DOCK1: variants seen among roughly 807,000 people sequenced by gnomAD.
The protein encoded by DOCK1 is dedicator of cytokinesis protein 1.
In DOCK1, 138 loss-of-function variants were observed where a neutral mutation model predicts 262.7. That is an observed-to-expected ratio of 0.53 (90% CI 0.46 to 0.61). The LOEUF is 0.61. Ranked by LOEUF, DOCK1 falls within the 20% of genes least tolerant of loss-of-function variation. The pLI, the probability that DOCK1 is intolerant of heterozygous loss-of-function variation, is 0.00. For synonymous variants in DOCK1, 866 were observed against 867.4 expected (o/e 1.00, Z 0.03); for missense variants, 1,908 against 2,370.7 (o/e 0.80, Z 4.05).
At chr10:127,315,802 G>T (rs11017261) in intron 29 of DOCK1, among the ~76,000 whole-genome samples, 27,116 of 151,916 alleles carry the variant, frequency 0.18, 2,577 homozygotes, top group African/African-American at 0.26. Flanking sequence ...GGGTTGAAGT[G>T]ATTCTCCTGC....
At chr10:127,064,939 G>T (rs1402331464) in intron 23 of DOCK1, among the ~76,000 whole-genome samples, 2 of 152,134 alleles carry the variant, frequency 1.3e-5, no homozygotes, top group Non-Finnish European at 2.9e-5. Flanking sequence ...CCACTTTCTG[G>T]GTCTAAGAAT....
intron 18 of DOCK1, 129 bp downstream of exon 18, chr10:127,032,449 C>T (rs1432895093): frequency 1.5e-5 from 15 of 974,614 alleles, no homozygotes; most frequent in Middle Eastern, 3.4e-4. Flanking sequence ...TTCATTGCAT[C>T]GGGCTGTGAT....
At chr10:127,262,279 T>C (rs530104342) in intron 29 of DOCK1, among the ~76,000 whole-genome samples, 1 of 152,126 alleles carries the variant, frequency 6.6e-6, no homozygotes, top group Admixed American at 6.5e-5. Context: ...TGTGGCTGTG[T>C]GTGTGTACCT....
At chr10:127,011,303 A>G (rs2041422578) in intron 11 of DOCK1, among the ~76,000 whole-genome samples, 1 of 152,180 alleles carries the variant, frequency 6.6e-6, no homozygotes. Context: ...AAACTGATTT[A>G]TTATCTCACA....
At chr10:127,078,997 G>A (rs961551080) in intron 23 of DOCK1, among the ~76,000 whole-genome samples, 2 of 152,008 alleles carry the variant, frequency 1.3e-5, no homozygotes, top group Non-Finnish European at 2.9e-5. Context: ...CTTGCTTTTT[G>A]TTTGTTTAAT....
intron 1 of DOCK1, among the ~76,000 whole-genome samples, chr10:126,967,280 A>G (rs1430028987): frequency 6.6e-6 from 1 of 152,186 alleles, no homozygotes; most frequent in Non-Finnish European, 1.5e-5. Flanking sequence ...GCAACTGTGA[A>G]AGGCCAAATA....
At chr10:127,251,628 G>A (rs994707544) in intron 28 of DOCK1, among the ~76,000 whole-genome samples, 73 of 146,256 alleles carry the variant, frequency 5.0e-4, no homozygotes, top group African/African-American at 1.7e-3. Context: ...GAGAACATGC[G>A]GTGTTTGGTT....
chr10:126,994,918 C>T (rs2040063695), intron 6 of DOCK1, among the ~76,000 whole-genome samples: 1 of 151,968 alleles, frequency 6.6e-6, no homozygotes. Context: ...CCCCCCACCT[C>T]CCGAACGGGG....
At chr10:127,427,646 T>TAAAA (rs2068907943) in intron 47 of DOCK1, among the ~76,000 whole-genome samples, 1 of 152,200 alleles carries the variant, frequency 6.6e-6, no homozygotes, top group African/African-American at 2.4e-5. Flanking sequence ...TCTGTGCTTT[T>TAAAA]AGCCCCTACT....
At chr10:127,311,219 A>G (rs2062051487) in intron 29 of DOCK1, among the ~76,000 whole-genome samples, 1 of 152,214 alleles carries the variant, frequency 6.6e-6, no homozygotes, top group South Asian at 2.1e-4. Flanking sequence ...TCCTGGGGCC[A>G]TGCTTTGAAG....
At chr10:126,909,111 G>A (rs1181614146) in intron 1 of DOCK1, among the ~76,000 whole-genome samples, 2 of 152,196 alleles carry the variant, frequency 1.3e-5, no homozygotes, top group African/African-American at 4.8e-5. Flanking sequence ...CGTGGGCACA[G>A]AGAACTTTGG....
chr10:127,178,108 C>T (rs566353726), intron 27 of DOCK1, among the ~76,000 whole-genome samples: 2 of 152,312 alleles, frequency 1.3e-5, no homozygotes, highest in South Asian at 4.1e-4. Context: ...GAGACAACTT[C>T]ACAGCCACCA....
intron 33 of DOCK1, among the ~76,000 whole-genome samples, chr10:127,364,444 A>G (rs1263559191): frequency 5.3e-5 from 8 of 152,094 alleles, no homozygotes; most frequent in African/African-American, 1.9e-4. Flanking sequence ...TCAGCTCACT[A>G]CAGCCTCCAC....
chr10:126,980,241 G>C (rs917766911), intron 3 of DOCK1, among the ~76,000 whole-genome samples: 1 of 152,068 alleles, frequency 6.6e-6, no homozygotes, highest in African/African-American at 2.4e-5. Context: ...GGCTCAGACT[G>C]AGTGCGGTGG....
At position 127,280,696 on chromosome 10, in the gene DOCK1, A is replaced by C. The variant is rs57783815; in HGVS notation, c.3044+23267A>C. Reference sequence around the variant, plus strand: ...CTACGTGCAGGTAAGTTAAGGGCTTACTATAGAAATGCAAAATGCCACCAT... The same window carrying C: ...CTACGTGCAGGTAAGTTAAGGGCTTCCTATAGAAATGCAAAATGCCACCAT... On this transcript the variant is annotated intron_variant, in intron 29 of 51. Coordinates refer to ENST00000623213, the MANE Select transcript of DOCK1 (RefSeq NM_001290223.2). 5.3e-3 allele frequency among the ~76,000 whole-genome samples: 814 copies of C among 152,340 alleles called. 8 individuals carry two copies. The highest frequency in any genetic ancestry group is 0.018 in the African/African-American group (762 of 41,580).
At chr10:127,334,417 G>A (rs904303771) in intron 29 of DOCK1, among the ~76,000 whole-genome samples, 1 of 152,158 alleles carries the variant, frequency 6.6e-6, no homozygotes, top group Non-Finnish European at 1.5e-5. Context: ...AATTGCATTG[G>A]CTTGGGAGTG....
At chr10:127,221,052 G>C (rs144408881) in intron 27 of DOCK1, among the ~76,000 whole-genome samples, 1 of 152,092 alleles carries the variant, frequency 6.6e-6, no homozygotes, top group African/African-American at 2.4e-5. Flanking sequence ...TGGTACCATT[G>C]GTCCATGTTT....
At chr10:126,909,218 G>C (rs969201108) in intron 1 of DOCK1, among the ~76,000 whole-genome samples, 4 of 152,172 alleles carry the variant, frequency 2.6e-5, no homozygotes, top group African/African-American at 4.8e-5. Context: ...GGACCAGAGA[G>C]AGGCCTCAGG....
intron 25 of DOCK1, among the ~76,000 whole-genome samples, chr10:127,118,955 G>T (rs891414683): frequency 6.6e-6 from 1 of 152,066 alleles, no homozygotes; most frequent in Non-Finnish European, 1.5e-5. Flanking sequence ...TTTGCTTTGC[G>T]TCTGTTATGT....
Sources: allele counts gnomAD v4.1 joint callset (sites outside exome capture counted in the v4.1 genomes callset), GRCh38; gene constraint gnomAD v4.1.1; transcripts MANE v1.5; gene names NCBI Gene and HGNC (gene_info 2026-07-23, HGNC 2026-07-21).